Variants in MYT1L observed in about 807,000 individuals in gnomAD.
MYT1L encodes myelin transcription factor 1-like protein.
A neutral mutation model predicts 126.7 loss-of-function variants in MYT1L; 12 were observed. The ratio of observed to expected loss-of-function variants is 0.09; its 90% CI spans 0.06 to 0.15. The LOEUF is 0.15. Among genes scored for constraint, MYT1L ranks in the 10% least tolerant of loss-of-function variants. The pLI, the probability that MYT1L is intolerant of heterozygous loss-of-function variation, is 1.00. For missense variants in MYT1L, 979 were observed against 1,585.2 expected, an observed-to-expected ratio of 0.62 and a Z score of 6.49; for synonymous variants, 541 against 604.2, an observed-to-expected ratio of 0.90 and a Z score of 1.53.
intron 8 of MYT1L, among the ~76,000 whole-genome samples, chr2:1,973,764 G>C (rs2059971470): frequency 6.6e-6 from 1 of 152,210 alleles, no homozygotes; most frequent in Admixed American, 6.5e-5. Flanking sequence ...GAGCCTCCAG[G>C]CCTCACCCCG....
At chr2:2,313,169 C>T (rs958278331) in intron 1 of MYT1L, among the ~76,000 whole-genome samples, 1 of 152,084 alleles carries the variant, frequency 6.6e-6, no homozygotes, top group Non-Finnish European at 1.5e-5. Context: ...AAAGAAGGAG[C>T]TTTTTCTCCA....
chr2:2,249,263 C>T (rs1007539053), intron 2 of MYT1L, among the ~76,000 whole-genome samples: 3 of 151,608 alleles, frequency 2.0e-5, no homozygotes, highest in Non-Finnish European at 4.4e-5. Context: ...AAAGTAATCC[C>T]ACTCACTGTA....
chr2:2,243,963 A>G (rs750468886), intron 2 of MYT1L, among the ~76,000 whole-genome samples: 4 of 152,220 alleles, frequency 2.6e-5, no homozygotes, highest in Non-Finnish European at 4.4e-5. Context: ...GGCAGCGCAC[A>G]CTGACAGGAA....
intron 4 of MYT1L, among the ~76,000 whole-genome samples, chr2:2,024,568 T>C (rs2065339626): frequency 6.6e-6 from 1 of 152,246 alleles, no homozygotes; most frequent in Non-Finnish European, 1.5e-5. Context: ...TCATTCACTG[T>C]AGGAATTTAA....
intron 2 of MYT1L, among the ~76,000 whole-genome samples, chr2:2,231,209 A>G (rs1395942306): frequency 6.6e-6 from 1 of 152,200 alleles, no homozygotes; most frequent in African/African-American, 2.4e-5. Flanking sequence ...TTAAAGCATG[A>G]GAGAAGTAAG....
At chr2:2,229,633 G>A (rs1247930907) in intron 2 of MYT1L, among the ~76,000 whole-genome samples, 2 of 151,652 alleles carry the variant, frequency 1.3e-5, no homozygotes, top group African/African-American at 4.9e-5. Flanking sequence ...GGGCCTCACT[G>A]TGTTGGCCAG....
intron 3 of MYT1L, among the ~76,000 whole-genome samples, chr2:2,135,313 ACTCT>A (rs907039440): frequency 6.6e-6 from 1 of 151,352 alleles, no homozygotes; most frequent in African/African-American, 2.4e-5. Flanking sequence ...TTCCCTGCAC[ACTCT>A]CTCTCTTTCC....
At chr2:2,293,265 G>C (rs761889604) in intron 1 of MYT1L, among the ~76,000 whole-genome samples, 1 of 152,154 alleles carries the variant, frequency 6.6e-6, no homozygotes, top group Non-Finnish European at 1.5e-5. Flanking sequence ...GAACAGCACC[G>C]AGGAGGGAAA....
rs1261163394 is a variant in MYT1L at position 1,840,780 on chromosome 2, T to C, written c.2838A>G (p.Lys946=). 6.4e-7 allele frequency: 1 copy of C among 1,551,024 alleles called. No homozygotes were observed. The highest frequency in any genetic ancestry group is 8.7e-7 in the Non-Finnish European group (1 of 1,146,932). The change falls in exon 20 of 25, where the codon AAA becomes AAG. Residue 946 remains lysine (K), a synonymous_variant. Coordinates refer to ENST00000647738, the MANE Select transcript of MYT1L (RefSeq NM_001303052.2). ...CATACCTGATGGGTTCTTGATCTTCTTTATCTTCTTTGCTCTGTGCTATCC... is the reference window on the plus strand; with the variant it reads ...CATACCTGATGGGTTCTTGATCTTCCTTATCTTCTTTGCTCTGTGCTATCC... ...GIRIAQSKED[K]EDQEPIRCPV...
intron 3 of MYT1L, among the ~76,000 whole-genome samples, chr2:2,144,978 T>C (rs1272833090): frequency 6.6e-6 from 1 of 152,270 alleles, no homozygotes; most frequent in East Asian, 1.9e-4. Flanking sequence ...AATGTAATTT[T>C]ACTTGTAAAA....
intron 2 of MYT1L, among the ~76,000 whole-genome samples, chr2:2,200,622 G>A (rs1325089525): frequency 6.6e-6 from 1 of 152,226 alleles, no homozygotes; most frequent in Non-Finnish European, 1.5e-5. Flanking sequence ...CAGGAAGGTG[G>A]ACATGGGCCA....
chr2:2,082,144 C>T (rs1249025860), intron 3 of MYT1L, among the ~76,000 whole-genome samples: 1 of 152,084 alleles, frequency 6.6e-6, no homozygotes, highest in African/African-American at 2.4e-5. Flanking sequence ...ACTATCTACA[C>T]CACACTACAT....
intron 2 of MYT1L, among the ~76,000 whole-genome samples, chr2:2,242,168 A>G (rs993289637): frequency 6.6e-6 from 1 of 152,216 alleles, no homozygotes. Context: ...AGAGTTCATT[A>G]TTAGGAAGCT....
intron 4 of MYT1L, among the ~76,000 whole-genome samples, chr2:2,006,114 C>A (rs2063302855): frequency 6.6e-6 from 1 of 152,004 alleles, no homozygotes; most frequent in South Asian, 2.1e-4. Flanking sequence ...GTTCTTTCCT[C>A]CATGCGTTGT....
chr2:2,172,110 A>G (rs1468138477), intron 3 of MYT1L, among the ~76,000 whole-genome samples: 1 of 152,176 alleles, frequency 6.6e-6, no homozygotes, highest in East Asian at 1.9e-4. Context: ...CAACGACTTT[A>G]CAGGATCTGA....
At chr2:2,071,685 G>A (rs1016853205) in intron 3 of MYT1L, among the ~76,000 whole-genome samples, 2 of 152,194 alleles carry the variant, frequency 1.3e-5, no homozygotes, top group African/African-American at 4.8e-5. Flanking sequence ...TGAAAGTCAG[G>A]CCATGACAGA....
At chr2:1,820,111 A>C (rs1360211153) in intron 21 of MYT1L, among the ~76,000 whole-genome samples, 1 of 152,188 alleles carries the variant, frequency 6.6e-6, no homozygotes, top group Non-Finnish European at 1.5e-5. Flanking sequence ...CAATGGGTTC[A>C]GAAGAGAGCA....
Position 1,979,291 on chromosome 2 carries a change from T to G in MYT1L, c.90-64A>C. 6.8e-7 allele frequency: 1 copy of G among 1,467,224 alleles called. No individual in the cohort carries two copies. The highest frequency in any genetic ancestry group is 1.2e-5 in the South Asian group (1 of 86,058). The allele number at this position is 1,467,224 out of a possible 1,614,324, so 90.9% of individuals were successfully genotyped here. ...AGGCAGGTGAGACGGAAAGCTTCCGTGGCAGCAGAGAGAAGGAGGGCGGCT... is the reference window on the plus strand; with the variant it reads ...AGGCAGGTGAGACGGAAAGCTTCCGGGGCAGCAGAGAGAAGGAGGGCGGCT... On this transcript the variant is annotated intron_variant, in intron 7 of 24. Transcript: ENST00000647738. This position sits in a 1 kb window ranked among gnomAD's most constrained non-coding sequence, Gnocchi z 4.0.
intron 1 of MYT1L, among the ~76,000 whole-genome samples, chr2:2,311,379 C>T (rs1191786146): frequency 6.6e-6 from 1 of 152,164 alleles, no homozygotes; most frequent in Non-Finnish European, 1.5e-5. Context: ...TACTGCTCTG[C>T]CTTATCTAAT....
Sources: allele counts gnomAD v4.1 joint callset (sites outside exome capture counted in the v4.1 genomes callset), GRCh38; gene constraint gnomAD v4.1.1; non-coding constraint Gnocchi (gnomAD v3.1); transcripts MANE v1.5; gene names NCBI Gene and HGNC (gene_info 2026-07-23, HGNC 2026-07-21).